BHMT2: variants seen among roughly 807,000 people sequenced by gnomAD.
BHMT2 encodes the protein betaine--homocysteine S-methyltransferase 2, also known as S-methylmethionine--homocysteine S-methyltransferase BHMT2.
BHMT2 carries 28 observed loss-of-function variants against 39.0 expected under a neutral mutation model. The ratio of observed to expected loss-of-function variants is 0.72; its 90% CI spans 0.53 to 0.98. The LOEUF (loss-of-function observed/expected upper bound fraction) is 0.98. Among genes scored for constraint, BHMT2 ranks in the 50% least tolerant of loss-of-function variants. The pLI, the probability that BHMT2 is intolerant of heterozygous loss-of-function variation, is 0.00. For missense variants in BHMT2, 410 were observed against 455.6 expected, an observed-to-expected ratio of 0.90 and a Z score of 0.91; for synonymous variants, 145 against 160.6, an observed-to-expected ratio of 0.90 and a Z score of 0.74.
intron 4 of BHMT2, 110 bp from the exon 5 acceptor site, chr5:79,082,699 T>C: frequency 2.3e-6 from 3 of 1,295,142 alleles, no homozygotes; most frequent in Non-Finnish European, 3.2e-6. Flanking sequence ...TTATTATGCA[T>C]ATGTTTATAT....
chr5:79,083,473 A>C (rs1240012405), intron 6 of BHMT2, 99 bp downstream of exon 6: 21 of 1,479,264 alleles, frequency 1.4e-5, no homozygotes, highest in Admixed American at 7.4e-5. Flanking sequence ...GAGACTGCAT[A>C]TGACAAAACA....
chr5:79,070,321 T>C (rs1755538115), intron 1 of BHMT2, among the ~76,000 whole-genome samples: 1 of 152,142 alleles, frequency 6.6e-6, no homozygotes, highest in South Asian at 2.1e-4. Context: ...GGTCTGAAAC[T>C]AGTCCTGGGC....
At position 79,083,559 on chromosome 5, in the gene BHMT2, G is replaced by T. The variant is rs143146020; in HGVS notation, c.782-69G>T. 23 of 1,568,290 alleles carry T rather than the reference G, an allele frequency of 1.5e-5. No homozygotes were observed. The African/African-American group carries it at 2.6e-4, about 18-fold the overall frequency. On this transcript the variant is annotated intron_variant, in intron 6 of 7. Coordinates refer to ENST00000255192, the MANE Select transcript of BHMT2 (RefSeq NM_017614.5). Reference sequence around the variant, plus strand: ...TATAGTTTTTTTAATTGGAAAAACTGCTCATTAGAGCATCCATCATTTGAA... The same window carrying T: ...TATAGTTTTTTTAATTGGAAAAACTTCTCATTAGAGCATCCATCATTTGAA...
intron 7 of BHMT2, among the ~76,000 whole-genome samples, chr5:79,086,392 G>A (rs192465241): frequency 1.1e-3 from 172 of 152,222 alleles, no homozygotes; most frequent in Non-Finnish European, 2.2e-3. Context: ...TGGCTGGTTC[G>A]TGGCCACCTC....
At chr5:79,073,886 T>A (rs914771266) in intron 1 of BHMT2, among the ~76,000 whole-genome samples, 8 of 152,260 alleles carry the variant, frequency 5.3e-5, no homozygotes, top group African/African-American at 1.9e-4. Flanking sequence ...AACTAACCAC[T>A]TTGCCAGACT....
At chr5:79,077,760 A>G in intron 2 of BHMT2, 148 bp downstream of exon 2, 1 of 932,920 alleles carries the variant, frequency 1.1e-6, no homozygotes, top group Non-Finnish European at 1.6e-6. Flanking sequence ...GGCAGTATAC[A>G]GGCGGAAGTA....
At chr5:79,081,476 T>G (rs1327276504) in intron 4 of BHMT2, among the ~76,000 whole-genome samples, 1 of 152,170 alleles carries the variant, frequency 6.6e-6, no homozygotes, top group Non-Finnish European at 1.5e-5. Flanking sequence ...TTCCTCCACT[T>G]CCAAAACGAA....
rs1483490869 is a variant in BHMT2 at position 79,089,446 on chromosome 5, A to G, written c.*872A>G. 7.0e-6 allele frequency: 1 copy of G among 142,188 alleles called. No individual in the cohort carries two copies. Among genetic ancestry groups the G allele is most frequent in the Non-Finnish European group, 1.5e-5 (1 of 67,114 alleles). The allele number at this position is 142,188 out of a possible 1,614,324, so 8.8% of individuals were successfully genotyped here. A position where few individuals can be genotyped will look rare whatever the true frequency, so the allele number is the denominator to read the frequency against. ...AGCCTGGGTGACAGAGTGAGACTCCATCTCAAAAAAAAAAAAAAAAGATAT... is the reference window on the plus strand; with the variant it reads ...AGCCTGGGTGACAGAGTGAGACTCCGTCTCAAAAAAAAAAAAAAAAGATAT... On this transcript the variant is annotated 3_prime_UTR_variant, in exon 8 of 8. Coordinates refer to ENST00000255192, the MANE Select transcript of BHMT2 (RefSeq NM_017614.5).
rs1169286120 is a variant in BHMT2, at chr5:79,069,808, C to A, written c.26C>A (p.Ala9Asp). The A allele has an allele frequency of 1.4e-6, 2 of 1,436,028 alleles. No individual in the cohort carries two copies. The highest frequency in any genetic ancestry group is 9.2e-7 in the Non-Finnish European group (1 of 1,088,276). The allele number at this position is 1,436,028 out of a possible 1,614,324, so 89.0% of individuals were successfully genotyped here. Residue 9 changes from alanine to aspartate, a missense_variant, in exon 1 of 8, where the codon GCC becomes GAC. Transcript: ENST00000255192. The part of the protein sequence containing the change: MAPAGRPG[A>D]KKGILERLES... ...ATGGCACCTGCTGGACGCCCGGGGG[C>A]CAAGAAGGTGAGTTTCGTCCCCTCG...
chr5:79,076,175 C>T (rs950100015), intron 1 of BHMT2, among the ~76,000 whole-genome samples: 2 of 152,158 alleles, frequency 1.3e-5, no homozygotes, highest in Non-Finnish European at 2.9e-5. Context: ...GGAAGGCGGT[C>T]TTCCCCTGGA....
intron 3 of BHMT2, 23 bp downstream of exon 3, chr5:79,079,483 G>A: frequency 6.5e-7 from 1 of 1,532,496 alleles, no homozygotes; most frequent in Non-Finnish European, 9.0e-7. Context: ...GGCTGGGTGT[G>A]GGGGAGGGAG....
chr5:79,081,587 C>T (rs764547822), intron 4 of BHMT2, among the ~76,000 whole-genome samples: 8 of 152,126 alleles, frequency 5.3e-5, no homozygotes, highest in Non-Finnish European at 8.8e-5. Flanking sequence ...TGGCTTGGCG[C>T]GGTAGCTCAC....
chr5:79,082,638 C>A, intron 4 of BHMT2, 171 bp from the exon 5 acceptor site: 1 of 646,776 alleles, frequency 1.5e-6, no homozygotes, highest in Non-Finnish European at 2.5e-6. Context: ...AATGTTTACT[C>A]AGAAAGGTAT....
chr5:79,085,371 T>C (rs1417845766), intron 7 of BHMT2, among the ~76,000 whole-genome samples: 1 of 152,188 alleles, frequency 6.6e-6, no homozygotes, highest in Non-Finnish European at 1.5e-5. Flanking sequence ...TCACAGATAG[T>C]CTCAGTTCAG....
At chr5:79,082,532 T>C (rs530198784) in intron 4 of BHMT2, 5 of 253,178 alleles carry the variant, frequency 2.0e-5, no homozygotes, top group Non-Finnish European at 3.7e-5. Flanking sequence ...TTTGAAAACC[T>C]CTGGGTGTGT....
At chr5:79,078,792 C>A (rs79523934) in intron 2 of BHMT2, among the ~76,000 whole-genome samples, 1 of 152,102 alleles carries the variant, frequency 6.6e-6, no homozygotes, top group Non-Finnish European at 1.5e-5. Flanking sequence ...TGTTAAAAGA[C>A]CTTTTTGCTA....
chr5:79,074,305 C>G (rs888588598), intron 1 of BHMT2, among the ~76,000 whole-genome samples: 1 of 152,130 alleles, frequency 6.6e-6, no homozygotes, highest in African/African-American at 2.4e-5. Flanking sequence ...TCATGCCATT[C>G]GATGGAGATT....
chr5:79,082,792 A>C lies in BHMT2; in HGVS notation c.451-17A>C. 1 of 1,612,388 alleles carries C rather than the reference A, an allele frequency of 6.2e-7. No individual in the cohort carries two copies. The highest frequency in any genetic ancestry group is 1.1e-5 in the South Asian group (1 of 90,638). ...GCTTTATGTTTGGACCAGTAGAAAA[A>C]GTGACATTTCTCTTAGTATTTTGAG... On this transcript the variant is annotated splice_polypyrimidine_tract_variant and intron_variant, in intron 4 of 7. Transcript: ENST00000255192.
At position 79,079,479 on chromosome 5, in the gene BHMT2, G is replaced by A. The variant is rs1242797348; in HGVS notation, c.258+19G>A. ...AAGCAAGGTAAACGGCAATGGCTGG[G>A]TGTGGGGGAGGGAGTCATCTATTAA... On this transcript the variant is annotated intron_variant, in intron 3 of 7. Coordinates refer to ENST00000255192, the MANE Select transcript of BHMT2 (RefSeq NM_017614.5). The A allele has an allele frequency of 1.3e-6, 2 of 1,565,228 alleles. No homozygotes were observed. The highest frequency in any genetic ancestry group is 1.4e-5 in the African/African-American group (1 of 73,854).
Sources: allele counts gnomAD v4.1 joint callset (sites outside exome capture counted in the v4.1 genomes callset), GRCh38; gene constraint gnomAD v4.1.1; transcripts MANE v1.5; gene names NCBI Gene and HGNC (gene_info 2026-07-23, HGNC 2026-07-21).